The following MPRIP variants were observed in gnomAD, a reference collection of about 807,000 sequenced individuals.
MPRIP encodes the protein myosin phosphatase Rho-interacting protein.
In MPRIP, 59 loss-of-function variants were observed where a neutral mutation model predicts 234.9. The ratio of observed to expected loss-of-function variants is 0.25; its 90% CI spans 0.20 to 0.31. The LOEUF is 0.31. Among genes scored for constraint, MPRIP ranks in the 10% least tolerant of loss-of-function variants. The probability of loss-of-function intolerance (pLI) is 1.00; values close to 1 mark genes in which losing one functional copy is unlikely to be tolerated. For synonymous variants in MPRIP, 1,144 were observed against 1,263.9 expected (o/e 0.91, Z 2.01); for missense variants, 2,436 against 3,071.0 (o/e 0.79, Z 4.89).
chr17:17,174,591 C>T (rs1222575592), intron 19 of MPRIP, among the ~76,000 whole-genome samples: 1 of 152,176 alleles, frequency 6.6e-6, no homozygotes, highest in Non-Finnish European at 1.5e-5. Flanking sequence ...AATCCCAGCG[C>T]TTTGGGAGGC....
At chr17:17,146,715 G>A (rs753572595) in intron 10 of MPRIP, among the ~76,000 whole-genome samples, 38 of 152,244 alleles carry the variant, frequency 2.5e-4, no homozygotes, top group Non-Finnish European at 2.1e-4. Flanking sequence ...TTACCTAAGA[G>A]GCCCTGATGC....
chr17:17,127,063 T>G (rs1273545199), intron 4 of MPRIP, among the ~76,000 whole-genome samples: 1 of 152,164 alleles, frequency 6.6e-6, no homozygotes, highest in Non-Finnish European at 1.5e-5. Context: ...CTGGGGCCCC[T>G]CTTTGCTCTG....
intron 11 of MPRIP, among the ~76,000 whole-genome samples, chr17:17,148,202 C>G (rs1381951166): frequency 6.6e-6 from 1 of 152,154 alleles, no homozygotes; most frequent in Non-Finnish European, 1.5e-5. Flanking sequence ...CGGTGGGCCT[C>G]TGGTGGTGTC....
chr17:17,108,720 G>A (rs1421771487), intron 3 of MPRIP, among the ~76,000 whole-genome samples: 1 of 152,204 alleles, frequency 6.6e-6, no homozygotes, highest in African/African-American at 2.4e-5. Flanking sequence ...GGGTGGGGCC[G>A]GGTGAATGTT....
chr17:17,080,141 A>G (rs1482309412), intron 3 of MPRIP, among the ~76,000 whole-genome samples: 1 of 152,244 alleles, frequency 6.6e-6, no homozygotes, highest in Non-Finnish European at 1.5e-5. Flanking sequence ...CAGTGAGCCC[A>G]TCAGTAAATA....
chr17:17,057,546 C>T (rs1406402564), intron 1 of MPRIP: 1 of 714,146 alleles, frequency 1.4e-6, no homozygotes, highest in African/African-American at 1.7e-5. Flanking sequence ...ACAGTGGTCC[C>T]CAGAGGACCT....
chr17:17,064,455 C>T (rs1378042768), intron 1 of MPRIP, among the ~76,000 whole-genome samples: 4 of 152,098 alleles, frequency 2.6e-5, no homozygotes, highest in African/African-American at 9.7e-5. Flanking sequence ...TTGCCCAGGT[C>T]CTCCGATGGT....
intron 13 of MPRIP, among the ~76,000 whole-genome samples, chr17:17,156,401 C>A (rs1379797484): frequency 6.6e-6 from 1 of 152,250 alleles, no homozygotes; most frequent in African/African-American, 2.4e-5. Flanking sequence ...AGAGTGCTCA[C>A]CCTCCACCAG....
chr17:17,106,891 T>G (rs2090073334), intron 3 of MPRIP, among the ~76,000 whole-genome samples: 1 of 152,120 alleles, frequency 6.6e-6, no homozygotes, highest in African/African-American at 2.4e-5. Context: ...GAATTCCCAG[T>G]GGGAGAGAGG....
At chr17:17,083,661 C>T (rs2089518305) in intron 3 of MPRIP, among the ~76,000 whole-genome samples, 2 of 152,152 alleles carry the variant, frequency 1.3e-5, no homozygotes, top group South Asian at 4.1e-4. Context: ...CAGATGTTGC[C>T]CTGCATCAGA....
chr17:17,175,511 A>G lies in MPRIP; in HGVS notation c.6870+99A>G, dbSNP rs2046236570. The stretch of plus-strand genomic sequence containing the variant: ...TGTCTTACAGGGTTGTGGGAGGAAC[A>G]GACCTGAGACAGCAGGAGTCACAGG... On this transcript the variant is annotated intron_variant, in intron 20 of 23. Coordinates refer to ENST00000651222, the MANE Select transcript of MPRIP (RefSeq NM_001364716.4). 6 of 1,386,382 alleles carry G rather than the reference A, an allele frequency of 4.3e-6. No homozygotes were observed. The South Asian group carries it at 7.6e-5, about 17-fold the overall frequency. The allele number at this position is 1,386,382 out of a possible 1,614,324, so 85.9% of individuals were successfully genotyped here. A position where few individuals can be genotyped will look rare whatever the true frequency, so the allele number is the denominator to read the frequency against.
intron 1 of MPRIP, 136 bp downstream of exon 1, chr17:17,043,107 G>GGGAAGTGCATTGACA: frequency 1.2e-6 from 1 of 825,328 alleles, no homozygotes; most frequent in Middle Eastern, 3.4e-4. Context: ...GGACGGGGAC[G>GGGAAGTGCATTGACA]GGAAGTGCAT....
At position 17,131,706 on chromosome 17, in the gene MPRIP, G is replaced by T. The variant is rs1255580194; in HGVS notation, c.504+5G>T. On this transcript the variant is annotated splice_donor_5th_base_variant and intron_variant, in intron 5 of 23. Transcript: ENST00000651222. The stretch of plus-strand genomic sequence containing the variant: ...GTGGAGCCCCCCACACCACAGGTAG[G>T]CAGTGGGTTTGCCAGATGGCATCCC... 2 of 1,614,026 alleles carry T rather than the reference G, an allele frequency of 1.2e-6. No individual in the cohort carries two copies. Among genetic ancestry groups the T allele is most frequent in the Admixed American group, 1.7e-5 (1 of 60,026 alleles).
rs138913440 is a variant in MPRIP, at chr17:17,078,062, G to A, written c.253G>A (p.Ala85Thr). The change falls in exon 3 of 24, where the codon GCC becomes ACC. Residue 85 changes from alanine to threonine, a missense_variant. By Grantham distance (58) the Ala-to-Thr change is moderately conservative. Coordinates refer to ENST00000651222, the MANE Select transcript of MPRIP (RefSeq NM_001364716.4). This position sits in a 1 kb window ranked among gnomAD's most constrained non-coding sequence, Gnocchi z 4.3. ...TTACGAGCACGGCCTCTTGCGCTACGCCCTGGATGAGATGGTAAGTGTTAT... is the reference window on the plus strand; with the variant it reads ...TTACGAGCACGGCCTCTTGCGCTACACCCTGGATGAGATGGTAAGTGTTAT... ...ILYEHGLLRY[A>T]LDEMPTTLPQ... 1.9e-6 allele frequency: 3 copies of A among 1,613,992 alleles called. No homozygotes were observed. The highest frequency in any genetic ancestry group is 2.2e-5 in the East Asian group (1 of 44,894).
At chr17:17,180,365 G>T (rs2046347223) in intron 23 of MPRIP, among the ~76,000 whole-genome samples, 1 of 152,246 alleles carries the variant, frequency 6.6e-6, no homozygotes, top group Non-Finnish European at 1.5e-5. Context: ...GTTTCACCCA[G>T]CCCTGCTCAT....
At chr17:17,145,472 G>A (rs747064749) in intron 9 of MPRIP, among the ~76,000 whole-genome samples, 3 of 152,182 alleles carry the variant, frequency 2.0e-5, no homozygotes, top group Non-Finnish European at 4.4e-5. Context: ...GCTGTGCCTG[G>A]GCGCTGCCCC....
chr17:17,172,947 G>A, intron 18 of MPRIP, 132 bp downstream of exon 18: 1 of 721,502 alleles, frequency 1.4e-6, no homozygotes. Context: ...GGTGCTGAGG[G>A]CAGCTCAGAT....
chr17:17,113,967 A>G (rs1044039954), intron 3 of MPRIP, among the ~76,000 whole-genome samples: 2 of 142,456 alleles, frequency 1.4e-5, no homozygotes, highest in African/African-American at 2.7e-5. Context: ...ATCACAGCTC[A>G]CTGCAACCTC....
Position 17,166,913 on chromosome 17 carries a change from C to A in MPRIP, c.5322C>A (p.Ala1774=). 1 of 1,304,178 alleles carries A rather than the reference C, an allele frequency of 7.7e-7. No homozygotes were observed. The highest frequency in any genetic ancestry group is 1.2e-5 in the South Asian group (1 of 81,028). 80.8% of individuals were successfully genotyped at this position (1,304,178 alleles called of 1,614,324 possible). The change falls in exon 16 of 24, where the codon GCC becomes GCA. Residue 1774 remains alanine (A), a synonymous_variant. Transcript: ENST00000651222. The surrounding 1 kb of genome is among the most constrained non-coding windows in gnomAD (Gnocchi z 4.4). ...ATGTGTCTGACCAGAGCCCTGGGGC[C>A]TTTGTTGCTATTCAGGAGGAGCTTG... The part of the protein sequence containing the change: ...PFDVSDQSPG[A]FVAIQEELAQ...
Sources: gnomAD v4.1 joint callset for allele counts (sites outside exome capture counted in the v4.1 genomes callset) on GRCh38, gnomAD v4.1.1 for gene constraint, Gnocchi (gnomAD v3.1) non-coding constraint, MANE v1.5 for transcripts, NCBI Gene and HGNC (gene_info 2026-07-23, HGNC 2026-07-21) for gene names.